Variants in ATL1 observed in about 807,000 individuals in gnomAD.
ATL1 encodes atlastin GTPase 1.
ATL1 carries 31 observed loss-of-function variants against 75.5 expected under a neutral mutation model. That is an observed-to-expected ratio of 0.41 (90% CI 0.31 to 0.55). The LOEUF (loss-of-function observed/expected upper bound fraction) is 0.55, where lower values mean the gene tolerates loss of function less well. Among genes scored for constraint, ATL1 ranks in the 20% least tolerant of loss-of-function variants. The pLI is 0.27. For missense variants in ATL1, 405 were observed against 662.6 expected (o/e 0.61, Z 4.27); for synonymous variants, 226 against 233.3 (o/e 0.97, Z 0.28).
chr14:50,612,253 G>T (rs1041811655), intron 6 of ATL1, among the ~76,000 whole-genome samples: 1 of 152,050 alleles, frequency 6.6e-6, no homozygotes, highest in African/African-American at 2.4e-5. Context: ...CTTGAGCAAG[G>T]GGTCATGACT....
chr14:50,551,174 A>G (rs1361108668), intron 1 of ATL1, among the ~76,000 whole-genome samples: 2 of 152,208 alleles, frequency 1.3e-5, no homozygotes, highest in Non-Finnish European at 2.9e-5. Flanking sequence ...AATAAGCTCA[A>G]TTAGAAACAA....
In ATL1 at chr14:50,582,501, G is replaced by T. The variant is rs563541970; in HGVS notation, c.35-5330G>T. ...CTCAGCTCACTGCAACCTCTGCCTT[G>T]TGGGTTCAAGTGATTCTCCTGCCTC... On this transcript the variant is annotated intron_variant, in intron 1 of 13. Transcript: ENST00000358385. Among the ~76,000 whole-genome samples the T allele has an allele frequency of 4.0e-5, 6 of 149,226 alleles. No homozygotes were observed. The East Asian group carries it at 1.2e-3, about 30-fold the overall frequency.
chr14:50,624,216 G>A (rs75927946), intron 11 of ATL1, among the ~76,000 whole-genome samples: 2,245 of 152,034 alleles, frequency 0.015, 142 homozygotes, highest in Admixed American at 0.11. Flanking sequence ...TCATTTTATT[G>A]AGCCTCACTT....
At chr14:50,631,110 A>T (rs1270406063) in intron 13 of ATL1, 1 of 280,500 alleles carries the variant, frequency 3.6e-6, no homozygotes, top group Non-Finnish European at 7.0e-6. Context: ...AATACAAAAA[A>T]TTAGCCAGGT....
At chr14:50,584,431 C>T (rs1468026109) in intron 1 of ATL1, among the ~76,000 whole-genome samples, 1 of 151,968 alleles carries the variant, frequency 6.6e-6, no homozygotes, top group Non-Finnish European at 1.5e-5. Flanking sequence ...TGGCCGGGCG[C>T]GGTGGCTCAC....
intron 1 of ATL1, among the ~76,000 whole-genome samples, chr14:50,563,373 A>G (rs1271404151): frequency 6.6e-6 from 1 of 152,226 alleles, no homozygotes; most frequent in Non-Finnish European, 1.5e-5. Flanking sequence ...GTGTGAAGAT[A>G]ATAGAGAAAA....
intron 1 of ATL1, among the ~76,000 whole-genome samples, chr14:50,564,356 G>A (rs765259369): frequency 6.6e-6 from 1 of 152,074 alleles, no homozygotes; most frequent in Non-Finnish European, 1.5e-5. Flanking sequence ...TAGAAAAATA[G>A]TATTCGCACT....
At chr14:50,571,686 C>T (rs556533329) in intron 1 of ATL1, among the ~76,000 whole-genome samples, 1 of 152,192 alleles carries the variant, frequency 6.6e-6, no homozygotes, top group South Asian at 2.1e-4. Flanking sequence ...CCAGGCTAGT[C>T]ATGTTGTATT....
intron 11 of ATL1, 92 bp from the exon 12 acceptor site, chr14:50,627,939 C>G (rs889820080): frequency 3.0e-5 from 37 of 1,221,574 alleles, no homozygotes; most frequent in Non-Finnish European, 4.3e-5. Context: ...TTAACGTATT[C>G]TAACAAACTC....
At chr14:50,567,101 A>T (rs1007651859) in intron 1 of ATL1, among the ~76,000 whole-genome samples, 1 of 151,968 alleles carries the variant, frequency 6.6e-6, no homozygotes, top group Non-Finnish European at 1.5e-5. Context: ...CAAAACTGAA[A>T]CTCTGTGCCC....
chr14:50,586,002 G>C (rs2039098113), intron 1 of ATL1, among the ~76,000 whole-genome samples: 1 of 152,004 alleles, frequency 6.6e-6, no homozygotes, highest in South Asian at 2.1e-4. Flanking sequence ...TATTTCAATA[G>C]CATTATTTTA....
chr14:50,584,398 C>G (rs192137274), intron 1 of ATL1, among the ~76,000 whole-genome samples: 3 of 151,348 alleles, frequency 2.0e-5, no homozygotes, highest in Admixed American at 6.6e-5. Context: ...AACAAATAAA[C>G]TTAGAAGAAT....
intron 1 of ATL1, among the ~76,000 whole-genome samples, chr14:50,584,422 G>A (rs2039083006): frequency 6.6e-6 from 1 of 151,892 alleles, no homozygotes; most frequent in Non-Finnish European, 1.5e-5. Flanking sequence ...TGTGACTATT[G>A]GCCGGGCGCG....
At chr14:50,534,773 C>T (rs1455433693) in intron 1 of ATL1, among the ~76,000 whole-genome samples, 1 of 152,208 alleles carries the variant, frequency 6.6e-6, no homozygotes, top group Non-Finnish European at 1.5e-5. Context: ...TTGTTTTATA[C>T]TAACTCCAAA....
At chr14:50,567,361 A>T (rs1774504335) in intron 1 of ATL1, among the ~76,000 whole-genome samples, 2 of 152,118 alleles carry the variant, frequency 1.3e-5, no homozygotes, top group Non-Finnish European at 2.9e-5. Flanking sequence ...TTATCCATTC[A>T]TCTGTTGACA....
At chr14:50,598,364 A>AT (rs537118812) in intron 6 of ATL1, among the ~76,000 whole-genome samples, 1,540 of 150,506 alleles carry the variant, frequency 0.01, 9 homozygotes, top group Non-Finnish European at 0.016. Context: ...TTTTATTTTT[A>AT]TTTTTTTTTG....
chr14:50,565,105 G>A (rs4898662), intron 1 of ATL1, among the ~76,000 whole-genome samples: 14 of 151,902 alleles, frequency 9.2e-5, no homozygotes, highest in East Asian at 1.9e-4. Context: ...TGGGTAACAC[G>A]GTGAAACCCC....
chr14:50,591,831 G>A (rs1460558565), intron 4 of ATL1, 192 bp downstream of exon 4: 2 of 547,822 alleles, frequency 3.7e-6, no homozygotes, highest in Non-Finnish European at 6.5e-6. Flanking sequence ...TTTAATTACT[G>A]ACAAACTTTC....
chr14:50,601,006 G>A, intron 6 of ATL1, among the ~76,000 whole-genome samples: 1 of 152,144 alleles, frequency 6.6e-6, no homozygotes, highest in East Asian at 1.9e-4. Flanking sequence ...TTGGAGCGGG[G>A]CTGAAGTGGG....
Sources: allele counts gnomAD v4.1 joint callset (sites outside exome capture counted in the v4.1 genomes callset), GRCh38; gene constraint gnomAD v4.1.1; transcripts MANE v1.5; gene names NCBI Gene and HGNC (gene_info 2026-07-23, HGNC 2026-07-21).